SDK1: variants seen among roughly 807,000 people sequenced by gnomAD.
SDK1 encodes sidekick cell adhesion molecule 1, also known as protein sidekick-1.
A neutral mutation model predicts 245.5 loss-of-function variants in SDK1; 157 were observed. The observed-to-expected ratio is 0.64, with a 90% CI of 0.56 to 0.73. The LOEUF (loss-of-function observed/expected upper bound fraction) is 0.73, where lower values mean the gene tolerates loss of function less well. SDK1 is among the 30% of genes least tolerant of loss of function. The probability of loss-of-function intolerance (pLI) is 0.00; values close to 1 mark genes in which losing one functional copy is unlikely to be tolerated. For synonymous variants in SDK1, 1,647 were observed against 1,278.5 expected (o/e 1.29, Z -6.15); for missense variants, 3,583 against 3,002.3 (o/e 1.19, Z -4.52).
At chr7:4,048,475 G>A (rs1173226228) in intron 17 of SDK1, among the ~76,000 whole-genome samples, 2 of 150,576 alleles carry the variant, frequency 1.3e-5, no homozygotes, top group Admixed American at 6.6e-5. Flanking sequence ...TCAGCACCCC[G>A]CTTCCCCCCA....
chr7:3,813,013 G>T (rs1167808874), intron 4 of SDK1, among the ~76,000 whole-genome samples: 2 of 152,146 alleles, frequency 1.3e-5, no homozygotes, highest in Non-Finnish European at 1.5e-5. Context: ...GCTCTTGATG[G>T]AATAAACATA....
At chr7:4,012,326 C>T in intron 16 of SDK1, 91 bp downstream of exon 16, 1 of 1,330,414 alleles carries the variant, frequency 7.5e-7, no homozygotes, top group East Asian at 2.8e-5. Context: ...TCTGTAAGAG[C>T]CAAACAGGAA....
intron 4 of SDK1, among the ~76,000 whole-genome samples, chr7:3,705,801 T>C (rs1316807026): frequency 6.6e-6 from 1 of 152,122 alleles, no homozygotes; most frequent in Non-Finnish European, 1.5e-5. Context: ...CTGTGTTGAA[T>C]AGAAGTGGTG....
chr7:3,773,424 T>A (rs970980757), intron 4 of SDK1, among the ~76,000 whole-genome samples: 1 of 152,156 alleles, frequency 6.6e-6, no homozygotes, highest in Non-Finnish European at 1.5e-5. Flanking sequence ...TATTTCCATT[T>A]TGTTCAAACG....
intron 1 of SDK1, chr7:3,476,053 C>G (rs960261534): frequency 6.6e-6 from 1 of 152,554 alleles, no homozygotes; most frequent in Non-Finnish European, 1.5e-5. Context: ...TTTTAAAACC[C>G]ATATTTTAAA....
At chr7:3,439,681 A>T (rs1456843781) in intron 1 of SDK1, among the ~76,000 whole-genome samples, 1 of 152,238 alleles carries the variant, frequency 6.6e-6, no homozygotes, top group East Asian at 1.9e-4. Context: ...GATCTGATGC[A>T]CTTTTGGATA....
intron 38 of SDK1, among the ~76,000 whole-genome samples, chr7:4,214,442 T>C (rs1055549777): frequency 6.6e-6 from 1 of 152,232 alleles, no homozygotes; most frequent in Non-Finnish European, 1.5e-5. Flanking sequence ...CTCTTTTGTC[T>C]GTTGCGAAGG....
chr7:3,730,538 T>A lies in SDK1; in HGVS notation c.713+88433T>A, dbSNP rs1224670216. On this transcript the variant is annotated intron_variant, in intron 4 of 44. Coordinates refer to ENST00000404826, the MANE Select transcript of SDK1 (RefSeq NM_152744.4). ...TAGGAAGGGAGAGAGCAAGTACGGGTGCCAGCGGGAAGAGCCCAGCAGAAG... is the reference window on the plus strand; with the variant it reads ...TAGGAAGGGAGAGAGCAAGTACGGGAGCCAGCGGGAAGAGCCCAGCAGAAG... Among the ~76,000 whole-genome samples, 5 of 152,144 alleles carry A rather than the reference T, an allele frequency of 3.3e-5. No individual in the cohort carries two copies. In the East Asian group the frequency reaches 9.7e-4, roughly 29 times the overall value.
At chr7:3,838,448 C>T (rs1206613179) in intron 5 of SDK1, among the ~76,000 whole-genome samples, 1 of 152,210 alleles carries the variant, frequency 6.6e-6, no homozygotes, top group African/African-American at 2.4e-5. Flanking sequence ...AGGCAGTCAG[C>T]TGAGGCATTG....
intron 35 of SDK1, among the ~76,000 whole-genome samples, chr7:4,198,093 G>T (rs1239408221): frequency 1.3e-5 from 2 of 151,898 alleles, no homozygotes; most frequent in Non-Finnish European, 2.9e-5. Context: ...GGTCACTGAG[G>T]GCGTGAAGCC....
Position 3,923,683 on chromosome 7 carries a change from C to T in SDK1, c.848-27240C>T, listed in dbSNP as rs1779670275. ...ATTTGCTCACCACTGGGCTTCCAGC[C>T]ACAGCAAGGGTGAGCCAGGTCCAAG... On this transcript the variant is annotated intron_variant, in intron 5 of 44. Coordinates refer to ENST00000404826, the MANE Select transcript of SDK1 (RefSeq NM_152744.4). 2.0e-5 allele frequency among the ~76,000 whole-genome samples: 3 copies of T among 152,338 alleles called. No homozygotes were observed. The South Asian group carries it at 6.2e-4, about 32-fold the overall frequency.
At chr7:3,532,669 G>A (rs923360467) in intron 1 of SDK1, among the ~76,000 whole-genome samples, 3 of 152,094 alleles carry the variant, frequency 2.0e-5, no homozygotes, top group African/African-American at 4.8e-5. Flanking sequence ...AAATAAAGAA[G>A]GCTCTGTTAT....
At chr7:3,435,919 G>A (rs1177018025) in intron 1 of SDK1, among the ~76,000 whole-genome samples, 2 of 152,176 alleles carry the variant, frequency 1.3e-5, no homozygotes, top group African/African-American at 4.8e-5. Flanking sequence ...AAGCAACAAA[G>A]GTTCTTCTAT....
intron 1 of SDK1, among the ~76,000 whole-genome samples, chr7:3,322,080 G>A (rs145849396): frequency 1.7e-3 from 250 of 150,454 alleles, no homozygotes; most frequent in African/African-American, 5.2e-3. Context: ...GTTGAGTAGT[G>A]TTGAATACAT....
chr7:3,563,688 C>T (rs989169754), intron 1 of SDK1, among the ~76,000 whole-genome samples: 2 of 152,036 alleles, frequency 1.3e-5, no homozygotes, highest in African/African-American at 2.4e-5. Flanking sequence ...TTGAAAAATA[C>T]AATTAATAAG....
intron 4 of SDK1, among the ~76,000 whole-genome samples, chr7:3,759,662 G>A (rs1327701447): frequency 6.6e-6 from 1 of 151,492 alleles, no homozygotes; most frequent in Non-Finnish European, 1.5e-5. Flanking sequence ...TGCAGCCTTA[G>A]CTCATTGCAA....
At chr7:4,228,948 C>T (rs1476520744) in intron 40 of SDK1, among the ~76,000 whole-genome samples, 2 of 152,174 alleles carry the variant, frequency 1.3e-5, no homozygotes, top group East Asian at 3.8e-4. Context: ...TGACAAGTGG[C>T]TGACTGTGTG....
At chr7:3,424,619 T>G (rs369528854) in intron 1 of SDK1, among the ~76,000 whole-genome samples, 1 of 152,114 alleles carries the variant, frequency 6.6e-6, no homozygotes, top group East Asian at 1.9e-4. Context: ...AAATACCGGC[T>G]AGGCACAGTG....
chr7:3,535,979 TAAG>T (rs1778873938), intron 1 of SDK1, among the ~76,000 whole-genome samples: 1 of 152,132 alleles, frequency 6.6e-6, no homozygotes, highest in Non-Finnish European at 1.5e-5. Context: ...TATAAATTAA[TAAG>T]AAATTTAAGT....
Sources: allele counts gnomAD v4.1 joint callset (sites outside exome capture counted in the v4.1 genomes callset), GRCh38; gene constraint gnomAD v4.1.1; transcripts MANE v1.5; gene names NCBI Gene and HGNC (gene_info 2026-07-23, HGNC 2026-07-21).